CSMD3: variants seen among roughly 807,000 people sequenced by gnomAD.
CSMD3 encodes CUB and Sushi multiple domains 3, also known as CUB and sushi domain-containing protein 3.
A neutral mutation model predicts 435.2 loss-of-function variants in CSMD3; 177 were observed. The observed-to-expected ratio is 0.41, with a 90% CI of 0.36 to 0.46. The LOEUF is 0.46. CSMD3 is among the 20% of genes least tolerant of loss of function. The pLI, the probability that CSMD3 is intolerant of heterozygous loss-of-function variation, is 0.34. For synonymous variants in CSMD3, 1,656 were observed against 1,520.5 expected (o/e 1.09, Z -2.07); for missense variants, 4,265 against 4,504.6 (o/e 0.95, Z 1.52).
At chr8:112,348,900 G>A (rs1825903302) in intron 40 of CSMD3, among the ~76,000 whole-genome samples, 2 of 152,088 alleles carry the variant, frequency 1.3e-5, no homozygotes, top group South Asian at 4.2e-4. Flanking sequence ...TGAGAAAATT[G>A]ATAATTTTTT....
intron 5 of CSMD3, among the ~76,000 whole-genome samples, chr8:113,046,501 A>C (rs1274429921): frequency 7.8e-6 from 1 of 127,484 alleles, no homozygotes; most frequent in Non-Finnish European, 1.9e-5. Flanking sequence ...AAACTCCCTC[A>C]TTCCGAGTCA....
chr8:113,136,215 G>A (rs1377168157), intron 4 of CSMD3, among the ~76,000 whole-genome samples: 2 of 151,776 alleles, frequency 1.3e-5, no homozygotes, highest in Non-Finnish European at 2.9e-5. Flanking sequence ...AGTTTTCTGA[G>A]CCATCGCAGA....
chr8:112,964,546 A>G (rs1355037807), intron 7 of CSMD3, among the ~76,000 whole-genome samples: 2 of 151,974 alleles, frequency 1.3e-5, no homozygotes, highest in Non-Finnish European at 2.9e-5. Context: ...AAGGTGTAGC[A>G]AAACCAACTG....
intron 23 of CSMD3, among the ~76,000 whole-genome samples, chr8:112,585,423 G>A (rs1245976587): frequency 1.4e-5 from 2 of 141,162 alleles, no homozygotes; most frequent in East Asian, 4.1e-4. Flanking sequence ...TTTTTTTTCT[G>A]CCTTCTTTTG....
intron 5 of CSMD3, among the ~76,000 whole-genome samples, chr8:113,032,682 AT>A (rs1174800833): frequency 6.6e-6 from 1 of 151,692 alleles, no homozygotes; most frequent in East Asian, 1.9e-4. Context: ...GAAAACACAT[AT>A]TCTGGGGAGG....
At position 113,061,832 on chromosome 8, in the gene CSMD3, G is replaced by T. The variant is rs143501758; in HGVS notation, c.917+36924C>A. ...ACTTAAATATTGTATTTTATCTTAA[G>T]ATGTGTAGATGCATAGCCCATTCAC... is the stretch of plus-strand genomic sequence containing the variant. On this transcript the variant is annotated intron_variant, in intron 5 of 70. Transcript: ENST00000297405. Among the ~76,000 whole-genome samples, 168 of 151,940 alleles carry T rather than the reference G, an allele frequency of 1.1e-3. 3 individuals are homozygous for T. In the South Asian group the frequency reaches 0.015, roughly 14 times the overall value.
intron 1 of CSMD3, among the ~76,000 whole-genome samples, chr8:113,392,072 A>G (rs1267332776): frequency 1.3e-5 from 2 of 152,094 alleles, no homozygotes; most frequent in African/African-American, 4.8e-5. Flanking sequence ...TGACAAAACC[A>G]GTACTCAAAG....
chr8:112,721,562 C>G (rs890732521), intron 13 of CSMD3, among the ~76,000 whole-genome samples: 1 of 151,958 alleles, frequency 6.6e-6, no homozygotes, highest in African/African-American at 2.4e-5. Context: ...GGTGACAGAA[C>G]GAAAGAGAAG....
chr8:113,190,412 C>T (rs990183186), intron 3 of CSMD3, among the ~76,000 whole-genome samples: 1 of 151,684 alleles, frequency 6.6e-6, no homozygotes. Context: ...GAAACGAGAA[C>T]TGCAAATGCA....
At chr8:112,346,025 G>A (rs1825636791) in intron 41 of CSMD3, 72 bp downstream of exon 41, 2 of 878,452 alleles carry the variant, frequency 2.3e-6, no homozygotes, top group African/African-American at 3.3e-5. Flanking sequence ...ATTCTTATTC[G>A]ACATTGAAAT....
At chr8:113,350,317 C>A (rs768098153) in intron 1 of CSMD3, among the ~76,000 whole-genome samples, 3 of 152,088 alleles carry the variant, frequency 2.0e-5, no homozygotes, top group Non-Finnish European at 2.9e-5. Flanking sequence ...ATATAAGGAA[C>A]TACCGTAAAA....
chr8:112,568,498 G>A (rs913044117), intron 24 of CSMD3, among the ~76,000 whole-genome samples: 1 of 151,652 alleles, frequency 6.6e-6, no homozygotes, highest in Non-Finnish European at 1.5e-5. Context: ...AAGAGGCTGA[G>A]GCAGGAGAAT....
At chr8:112,361,891 T>C (rs904501721) in intron 38 of CSMD3, among the ~76,000 whole-genome samples, 14 of 151,728 alleles carry the variant, frequency 9.2e-5, no homozygotes, top group African/African-American at 3.4e-4. Flanking sequence ...GTAAAGATCT[T>C]TTTATTCCAA....
intron 8 of CSMD3, among the ~76,000 whole-genome samples, chr8:112,951,580 T>C (rs1043914546): frequency 6.6e-6 from 1 of 151,846 alleles, no homozygotes; most frequent in Non-Finnish European, 1.5e-5. Flanking sequence ...CATTGTATTG[T>C]TGTTTTTTAT....
At chr8:113,264,835 T>C (rs963838387) in intron 3 of CSMD3, among the ~76,000 whole-genome samples, 4 of 151,618 alleles carry the variant, frequency 2.6e-5, no homozygotes, top group Non-Finnish European at 4.4e-5. Context: ...CACAAACACA[T>C]TCATTGGAGT....
At chr8:113,430,838 G>A (rs2094667837) in intron 1 of CSMD3, among the ~76,000 whole-genome samples, 1 of 152,040 alleles carries the variant, frequency 6.6e-6, no homozygotes, top group African/African-American at 2.4e-5. Flanking sequence ...TTAGGTTGCC[G>A]GCAACGAATT....
intron 9 of CSMD3, among the ~76,000 whole-genome samples, chr8:112,935,189 A>G (rs10955640): frequency 0.83 from 126,153 of 152,066 alleles, 52,456 homozygotes; most frequent in East Asian, 0.93. Flanking sequence ...GGCACATTTG[A>G]TGAAAATCAA....
chr8:112,862,947 G>A (rs1431535432), intron 10 of CSMD3, among the ~76,000 whole-genome samples: 1 of 152,018 alleles, frequency 6.6e-6, no homozygotes, highest in Non-Finnish European at 1.5e-5. Context: ...GAATGTCACT[G>A]TTTTAATTTC....
intron 31 of CSMD3, among the ~76,000 whole-genome samples, chr8:112,476,684 T>A (rs888723871): frequency 1.3e-5 from 2 of 152,210 alleles, no homozygotes; most frequent in African/African-American, 4.8e-5. Flanking sequence ...TGTATGCCTA[T>A]AGAACCCAAT....
Sources: allele counts gnomAD v4.1 joint callset (sites outside exome capture counted in the v4.1 genomes callset), GRCh38; gene constraint gnomAD v4.1.1; transcripts MANE v1.5; gene names NCBI Gene and HGNC (gene_info 2026-07-23, HGNC 2026-07-21).